ADAMTS2: variants seen among roughly 807,000 people sequenced by gnomAD.
The protein encoded by ADAMTS2 is A disintegrin and metalloproteinase with thrombospondin motifs 2.
In ADAMTS2, 50 loss-of-function variants were observed where a neutral mutation model predicts 123.0. That is an observed-to-expected ratio of 0.41 (90% CI 0.32 to 0.51). The LOEUF is 0.51. Among genes scored for constraint, ADAMTS2 ranks in the 20% least tolerant of loss-of-function variants. The pLI is 0.35. For synonymous variants in ADAMTS2, 678 were observed against 695.4 expected, an observed-to-expected ratio of 0.98 and a Z score of 0.39; for missense variants, 1,494 against 1,705.2, an observed-to-expected ratio of 0.88 and a Z score of 2.18.
At chr5:179,182,126 C>T (rs1055232522) in intron 4 of ADAMTS2, among the ~76,000 whole-genome samples, 2 of 152,210 alleles carry the variant, frequency 1.3e-5, no homozygotes, top group East Asian at 3.9e-4. Context: ...CTGAGCCGCC[C>T]CTCATCAAGC....
At chr5:179,166,039 A>T (rs1763689435) in intron 5 of ADAMTS2, among the ~76,000 whole-genome samples, 1 of 152,178 alleles carries the variant, frequency 6.6e-6, no homozygotes, top group Non-Finnish European at 1.5e-5. Context: ...ACCACTGCAG[A>T]CATGGGCTCC....
Position 179,111,571 on chromosome 5 carries a change from C to A in ADAMTS2, c.*2296G>T, listed in dbSNP as rs1380706756. ...GCACCTTGCTCCCTTCAGCGGAAGA[C>A]AGGTGCCCAGGGAATGTCCCAGCTG... On this transcript the variant is annotated 3_prime_UTR_variant, in exon 22 of 22. Transcript: ENST00000251582. 2.0e-5 allele frequency: 3 copies of A among 152,402 alleles called. No individual in the cohort carries two copies. Among genetic ancestry groups the A allele is most frequent in the African/African-American group, 7.2e-5 (3 of 41,594 alleles). The allele number at this position is 152,402 out of a possible 1,614,324, so 9.4% of individuals were successfully genotyped here. A position where few individuals can be genotyped will look rare whatever the true frequency, so the allele number is the denominator to read the frequency against.
chr5:179,184,702 C>G (rs1764130360), intron 4 of ADAMTS2, among the ~76,000 whole-genome samples: 1 of 152,042 alleles, frequency 6.6e-6, no homozygotes, highest in Non-Finnish European at 1.5e-5. Flanking sequence ...ACCCTGGGAC[C>G]CAGAATGGCC....
intron 3 of ADAMTS2, among the ~76,000 whole-genome samples, chr5:179,270,538 C>T (rs1766502091): frequency 6.6e-6 from 1 of 152,224 alleles, no homozygotes; most frequent in Admixed American, 6.5e-5. Context: ...CATACACACA[C>T]ACCCGCACCC....
rs915783522 is a variant in ADAMTS2, at chr5:179,162,334, G to A, written c.976-3455C>T. The stretch of plus-strand genomic sequence containing the variant: ...ATCAGGGTGAACATACAACCAAAGC[G>A]GGCCAAGGAGTAGGCAAGGTGTGAG... On this transcript the variant is annotated intron_variant, in intron 5 of 21. Coordinates refer to ENST00000251582, the MANE Select transcript of ADAMTS2 (RefSeq NM_014244.5). The surrounding 1 kb of genome is among the most constrained non-coding windows in gnomAD (Gnocchi z 5.1). 4.6e-5 allele frequency among the ~76,000 whole-genome samples: 7 copies of A among 152,134 alleles called. No homozygotes were observed. Among genetic ancestry groups the A allele is most frequent in the Admixed American group, 1.3e-4 (2 of 15,276 alleles).
intron 3 of ADAMTS2, among the ~76,000 whole-genome samples, chr5:179,212,650 G>T (rs1221692784): frequency 7.4e-6 from 1 of 134,714 alleles, no homozygotes; most frequent in East Asian, 2.2e-4. Flanking sequence ...GGGCAGGTGT[G>T]GGCCCTGAGG....
chr5:179,253,194 A>C (rs1246326445), intron 3 of ADAMTS2, among the ~76,000 whole-genome samples: 1 of 152,180 alleles, frequency 6.6e-6, no homozygotes, highest in African/African-American at 2.4e-5. Context: ...CGTTTGTCAG[A>C]TATGACAGCC....
At chr5:179,201,048 A>T (rs1332082703) in intron 4 of ADAMTS2, among the ~76,000 whole-genome samples, 1 of 152,264 alleles carries the variant, frequency 6.6e-6, no homozygotes, top group Admixed American at 6.5e-5. Flanking sequence ...ATAACAACTT[A>T]CAACAAAAAA....
rs1035848544 is a variant in ADAMTS2, at chr5:179,242,401, A to G, written c.688+30510T>C. Among the ~76,000 whole-genome samples the G allele has an allele frequency of 1.3e-5, 2 of 152,210 alleles. No individual in the cohort carries two copies. The highest frequency in any genetic ancestry group is 2.9e-5 in the Non-Finnish European group (2 of 68,034). ...CTTATTGCTGTGGCCCTTTAAAAAAAGATTAGGAATCATCTGCCATGAGAA... is the reference window on the plus strand; with the variant it reads ...CTTATTGCTGTGGCCCTTTAAAAAAGGATTAGGAATCATCTGCCATGAGAA... On this transcript the variant is annotated intron_variant, in intron 3 of 21. Coordinates refer to ENST00000251582, the MANE Select transcript of ADAMTS2 (RefSeq NM_014244.5). This position sits in a 1 kb window ranked among gnomAD's most constrained non-coding sequence, Gnocchi z 4.2.
At chr5:179,146,479 G>A (rs1561777135) in intron 10 of ADAMTS2, among the ~76,000 whole-genome samples, 1 of 152,212 alleles carries the variant, frequency 6.6e-6, no homozygotes. Flanking sequence ...AGTAGCAGTT[G>A]CCGTGGACGC....
chr5:179,269,909 G>A (rs575890058), intron 3 of ADAMTS2, among the ~76,000 whole-genome samples: 5 of 152,188 alleles, frequency 3.3e-5, no homozygotes, highest in South Asian at 2.1e-4. Flanking sequence ...CTCGGCCTCC[G>A]GTCCTGGCCA....
intron 4 of ADAMTS2, among the ~76,000 whole-genome samples, chr5:179,184,460 G>A (rs560137931): frequency 2.3e-4 from 34 of 147,072 alleles, no homozygotes; most frequent in Admixed American, 1.1e-3. Context: ...GCAGTGAGCC[G>A]AGATCGCGTC....
Position 179,113,632 on chromosome 5 carries a change from C to T in ADAMTS2, c.*235G>A. On this transcript the variant is annotated 3_prime_UTR_variant, in exon 22 of 22. Coordinates refer to ENST00000251582, the MANE Select transcript of ADAMTS2 (RefSeq NM_014244.5). ...CATACAGCCTCTATATTCCTCTCCA[C>T]TGCACACCTGACGCCACCACAGTAT... 1 of 570,262 alleles carries T rather than the reference C, an allele frequency of 1.8e-6. No homozygotes were observed. The highest frequency in any genetic ancestry group is 3.1e-6 in the Non-Finnish European group (1 of 320,548). 35.3% of individuals were successfully genotyped at this position (570,262 alleles called of 1,614,324 possible).
At chr5:179,220,506 C>T (rs917583354) in intron 3 of ADAMTS2, among the ~76,000 whole-genome samples, 5 of 152,190 alleles carry the variant, frequency 3.3e-5, no homozygotes, top group Admixed American at 1.3e-4. Flanking sequence ...TCTGCCCGCA[C>T]GTGCACCTCC....
At chr5:179,214,841 A>G (rs1764938112) in intron 3 of ADAMTS2, among the ~76,000 whole-genome samples, 1 of 148,046 alleles carries the variant, frequency 6.8e-6, no homozygotes, top group Non-Finnish European at 1.5e-5. Flanking sequence ...TGTTAAAATT[A>G]TTCTCCGTCA....
intron 2 of ADAMTS2, among the ~76,000 whole-genome samples, chr5:179,316,170 G>A (rs546506378): frequency 4.2e-4 from 64 of 152,322 alleles, no homozygotes; most frequent in African/African-American, 1.5e-3. Flanking sequence ...CTGGGGCGTG[G>A]GCACCGGGCA....
intron 2 of ADAMTS2, among the ~76,000 whole-genome samples, chr5:179,306,854 C>T (rs1389694862): frequency 2.0e-5 from 3 of 152,160 alleles, no homozygotes; most frequent in Non-Finnish European, 4.4e-5. Context: ...TCCATGAGAT[C>T]GAGTCTCATA....
At chr5:179,167,294 C>T (rs757209719) in intron 5 of ADAMTS2, among the ~76,000 whole-genome samples, 97 of 152,098 alleles carry the variant, frequency 6.4e-4, no homozygotes, top group Non-Finnish European at 1.3e-3. Context: ...GGCGCTGCTG[C>T]CGCGAGAACA....
At chr5:179,258,130 C>T (rs1213411075) in intron 3 of ADAMTS2, among the ~76,000 whole-genome samples, 2 of 152,140 alleles carry the variant, frequency 1.3e-5, no homozygotes, top group Non-Finnish European at 2.9e-5. Flanking sequence ...CTTCCTGGGG[C>T]CAGTGTTATC....
Sources: gnomAD v4.1 joint callset for allele counts (sites outside exome capture counted in the v4.1 genomes callset) on GRCh38, gnomAD v4.1.1 for gene constraint, Gnocchi (gnomAD v3.1) non-coding constraint, MANE v1.5 for transcripts, NCBI Gene and HGNC (gene_info 2026-07-23, HGNC 2026-07-21) for gene names.